Variants in EYA1 observed in about 807,000 individuals in gnomAD.
EYA1 encodes the protein EYA transcriptional coactivator and phosphatase 1, also known as protein phosphatase EYA1.
In EYA1, 16 loss-of-function variants were observed where a neutral mutation model predicts 82.0. That is an observed-to-expected ratio of 0.20 (90% CI 0.13 to 0.30). The LOEUF (loss-of-function observed/expected upper bound fraction) is 0.30. EYA1 is among the 10% of genes least tolerant of loss of function. The pLI is 1.00. For synonymous variants in EYA1, 261 were observed against 264.4 expected, an observed-to-expected ratio of 0.99 and a Z score of 0.12; for missense variants, 633 against 730.7, an observed-to-expected ratio of 0.87 and a Z score of 1.54.
chr8:71,509,532 T>A (rs1041152778), intron 2 of EYA1, among the ~76,000 whole-genome samples: 2 of 152,290 alleles, frequency 1.3e-5, no homozygotes, highest in Admixed American at 6.5e-5. Flanking sequence ...ATTTGGAATC[T>A]TTTAAACAAA....
At position 71,494,022 on chromosome 8, in the gene EYA1, CAAAAAAAA is replaced by C. The variant is rs34340467; in HGVS notation, c.33+41714_33+41721del. Among the ~76,000 whole-genome samples, 13 of 41,872 alleles carry C rather than the reference CAAAAAAAA, an allele frequency of 3.1e-4. No individual in the cohort carries two copies. In the Admixed American group the frequency reaches 3.4e-3, roughly 11 times the overall value. 27.5% of individuals were successfully genotyped at this position (41,872 alleles called of 152,430 possible). On this transcript the variant is annotated intron_variant, in intron 2 of 18. Coordinates refer to the EYA1 transcript ENST00000643681. The stretch of plus-strand genomic sequence containing the variant: ...TGGGCGACAGAGCGAGACTCCGTCT[CAAAAAAAA>C]AAAAAAAAAAAAAAAGAGGCTTTTT...
intron 2 of EYA1, among the ~76,000 whole-genome samples, chr8:71,448,313 A>C (rs752912956): frequency 2.4e-4 from 36 of 152,194 alleles, no homozygotes; most frequent in Non-Finnish European, 4.6e-4. Flanking sequence ...TGGCATCTTC[A>C]ATAAGAGTGG....
chr8:71,319,276 A>T (rs1385932979), intron 6 of EYA1, among the ~76,000 whole-genome samples: 1 of 149,546 alleles, frequency 6.7e-6, no homozygotes, highest in Non-Finnish European at 1.5e-5. Context: ...GACTACAGGC[A>T]CCCGCCACCA....
intron 4 of EYA1, among the ~76,000 whole-genome samples, chr8:71,328,864 C>T (rs75749982): frequency 0.014 from 2,144 of 152,262 alleles, 125 homozygotes; most frequent in East Asian, 0.14. Flanking sequence ...AGCTCAAGAC[C>T]ACATCCTGGC....
intron 2 of EYA1, among the ~76,000 whole-genome samples, chr8:71,435,852 G>A (rs984631279): frequency 2.0e-5 from 3 of 152,188 alleles, no homozygotes; most frequent in Admixed American, 2.0e-4. Context: ...AGTCTGATAA[G>A]GATAGTGGTC....
At chr8:71,376,700 C>T (rs1019170955) in intron 2 of EYA1, among the ~76,000 whole-genome samples, 1 of 152,158 alleles carries the variant, frequency 6.6e-6, no homozygotes, top group African/African-American at 2.4e-5. Flanking sequence ...TGACTGCAGT[C>T]TCTCCGCGTA....
intron 8 of EYA1, 114 bp from the exon 9 acceptor site, chr8:71,299,347 C>A (rs866848814): frequency 9.9e-7 from 1 of 1,015,156 alleles, no homozygotes; most frequent in Non-Finnish European, 1.5e-6. Context: ...TGAATTCACA[C>A]GGGGGCATAC....
At chr8:71,534,212 A>G (rs1265311728) in intron 2 of EYA1, among the ~76,000 whole-genome samples, 1 of 152,344 alleles carries the variant, frequency 6.6e-6, no homozygotes, top group African/African-American at 2.4e-5. Context: ...GAAGTTATTA[A>G]TGAGTTTATT....
intron 2 of EYA1, among the ~76,000 whole-genome samples, chr8:71,463,015 T>G (rs2129191901): frequency 6.6e-6 from 1 of 152,340 alleles, no homozygotes; most frequent in Middle Eastern, 3.4e-3. Context: ...GTAATATATT[T>G]TATTGAATCC....
At chr8:71,303,628 A>G (rs987973607) in intron 7 of EYA1, among the ~76,000 whole-genome samples, 13 of 141,920 alleles carry the variant, frequency 9.2e-5, no homozygotes, top group African/African-American at 3.2e-4. Flanking sequence ...CATAGGACTT[A>G]GGGTCTGACC....
At chr8:71,209,594 A>G (rs942465363) in intron 17 of EYA1, among the ~76,000 whole-genome samples, 1 of 152,198 alleles carries the variant, frequency 6.6e-6, no homozygotes. Context: ...CCATCTTCAG[A>G]GCCTGTAGGA....
chr8:71,322,078 A>G lies in EYA1; in HGVS notation c.272+121T>C, dbSNP rs1424890812. 2.7e-6 allele frequency: 3 copies of G among 1,109,882 alleles called. No individual in the cohort carries two copies. The South Asian group carries it at 3.9e-5, about 14-fold the overall frequency. The allele number at this position is 1,109,882 out of a possible 1,614,324, so 68.8% of individuals were successfully genotyped here. A position where few individuals can be genotyped will look rare whatever the true frequency, so the allele number is the denominator to read the frequency against. ...AATAAATTTGTATCAATATGTTTACATCTCTATGAAATGCACTTTCATTTA... is the reference window on the plus strand; with the variant it reads ...AATAAATTTGTATCAATATGTTTACGTCTCTATGAAATGCACTTTCATTTA... On this transcript the variant is annotated intron_variant, in intron 5 of 17. Coordinates refer to ENST00000340726, the MANE Select transcript of EYA1 (RefSeq NM_000503.6).
intron 3 of EYA1, among the ~76,000 whole-genome samples, chr8:71,347,887 A>C (rs1005101547): frequency 9.5e-4 from 13 of 13,676 alleles, no homozygotes; most frequent in African/African-American, 2.4e-3. Flanking sequence ...GAGGCATGCA[A>C]AAAAAAAAAA....
intron 1 of EYA1, among the ~76,000 whole-genome samples, chr8:71,543,915 G>A (rs1815350711): frequency 6.6e-6 from 1 of 152,096 alleles, no homozygotes; most frequent in Non-Finnish European, 1.5e-5. Context: ...TCCAACCTGT[G>A]ACAACCACAA....
chr8:71,354,813 A>T lies in EYA1; in HGVS notation c.93T>A (p.Asn31Lys), dbSNP rs2129069768. ...SGPKLGNSHINSNSMTPNGTE... is the reference protein window; with the variant it reads ...SGPKLGNSHIKSNSMTPNGTE... ...TGCCATTGGGAGTCATGGAATTACT[A>T]TTTATATGAGAGTTACCGAGTTTGG... Residue 31 changes from asparagine (N) to lysine (K), a missense_variant, in exon 3 of 18, where the codon AAT (asparagine) becomes AAA (lysine). Transcript: ENST00000340726. 1 of 1,613,634 alleles carries T rather than the reference A, an allele frequency of 6.2e-7. No individual in the cohort carries two copies. Among genetic ancestry groups the T allele is most frequent in the Non-Finnish European group, 8.5e-7 (1 of 1,179,634 alleles).
At chr8:71,246,807 G>T (rs926371332) in intron 11 of EYA1, among the ~76,000 whole-genome samples, 1 of 152,092 alleles carries the variant, frequency 6.6e-6, no homozygotes, top group Non-Finnish European at 1.5e-5. Flanking sequence ...AGATGGGAGC[G>T]GAGCCTTGCT....
chr8:71,215,505 T>C lies in EYA1; in HGVS notation c.1479A>G (p.Thr493=). The C allele has an allele frequency of 6.2e-7, 1 of 1,613,932 alleles. No homozygotes were observed. ...TTGTTACTAAAATATTCACACAGTT[T>C]GTCCTATGAGAACAAAAAGAAAACA... is the stretch of plus-strand genomic sequence containing the variant. ...LKALSLIHSR[T]NCVNILVTTT... The change falls in exon 16 of 18, where the codon ACA becomes ACG. Residue 493 remains threonine, a synonymous_variant. Transcript: ENST00000340726.
intron 1 of EYA1, among the ~76,000 whole-genome samples, chr8:71,358,311 C>T (rs951639954): frequency 5.3e-5 from 8 of 152,110 alleles, no homozygotes; most frequent in Admixed American, 1.3e-4. Flanking sequence ...TGCATTTTCA[C>T]GACAACACAT....
At chr8:71,229,187 G>A (rs28624701) in intron 12 of EYA1, among the ~76,000 whole-genome samples, 271 of 152,064 alleles carry the variant, frequency 1.8e-3, no homozygotes, top group African/African-American at 6.3e-3. Flanking sequence ...GACAATAGCT[G>A]TGTCTACTGC....
Sources: allele counts gnomAD v4.1 joint callset (sites outside exome capture counted in the v4.1 genomes callset), GRCh38; gene constraint gnomAD v4.1.1; transcripts MANE v1.5; gene names NCBI Gene and HGNC (gene_info 2026-07-23, HGNC 2026-07-21).